The following CNTRL variants were observed in gnomAD, a reference collection of about 807,000 sequenced individuals.
CNTRL encodes centriolin, also known as 110 kDa centrosomal protein.
CNTRL carries 233 observed loss-of-function variants against 303.7 expected under a neutral mutation model. That is an observed-to-expected ratio of 0.77 (90% CI 0.69 to 0.86). CNTRL has a LOEUF of 0.86. Ranked by LOEUF, CNTRL falls within the 40% of genes least tolerant of loss-of-function variation. CNTRL has a pLI of 0.00. For synonymous variants in CNTRL, 900 were observed against 922.2 expected, an observed-to-expected ratio of 0.98 and a Z score of 0.44; for missense variants, 2,524 against 2,650.6, an observed-to-expected ratio of 0.95 and a Z score of 1.05.
chr9:121,094,398 ATAAT>A (rs1239034316), intron 4 of CNTRL, among the ~76,000 whole-genome samples: 2 of 152,154 alleles, frequency 1.3e-5, no homozygotes, highest in Admixed American at 6.5e-5. Flanking sequence ...CTGAACTGTG[ATAAT>A]TAATCCACTC....
rs759931523 is a variant in CNTRL at position 121,140,696 on chromosome 9, A to C, written c.2393A>C (p.His798Pro). 6.2e-7 allele frequency: 1 copy of C among 1,613,458 alleles called. No individual in the cohort carries two copies. Among genetic ancestry groups the C allele is most frequent in the Non-Finnish European group, 8.5e-7 (1 of 1,179,670 alleles). ...QLKDFQNHLNHVVDGLVRPEE... is the reference protein window; with the variant it reads ...QLKDFQNHLNPVVDGLVRPEE... ...AAAGATTTCCAGAATCACCTTAACC[A>C]TGTGGTTGATGGTTTGGTTCGTCCA... The change falls in exon 17 of 44, where the codon CAT becomes CCT. Residue 798 changes from histidine (H) to proline (P), a missense_variant. By Grantham distance (77) the His-to-Pro change is moderately conservative (BLOSUM62 -2). Transcript: ENST00000373855.
Position 121,173,432 on chromosome 9 carries a change from T to C in CNTRL, c.6607T>C (p.Leu2203=), listed in dbSNP as rs369941791. The change falls in exon 41 of 44, where the codon TTG becomes CTG. Residue 2203 remains leucine (L), a synonymous_variant. Coordinates refer to ENST00000373855, the MANE Select transcript of CNTRL (RefSeq NM_007018.6). ...AAACCTAGAAGGAGAATTGGAAAGC[T>C]TGAAAGAGAACCTTCCATTTACCAT... is the stretch of plus-strand genomic sequence containing the variant. ...NENLEGELES[L]KENLPFTMNE... 5 of 1,613,892 alleles carry C rather than the reference T, an allele frequency of 3.1e-6. No individual in the cohort carries two copies. The African/African-American group carries it at 5.3e-5, about 17-fold the overall frequency.
In CNTRL at chr9:121,168,142, T is replaced by G; in HGVS notation, c.5891T>G (p.Leu1964Ter). The part of the protein sequence containing the change: ...QKERESEESK[L>*]ETSKVTLKEQ... ...GAGAGAGAAAGTGAAGAAAGCAAAT[T>G]AGAAACCAGTAAAGTGACACTGAAG... Residue 1964 changes from leucine (L) to a stop codon, truncating the protein, a stop_gained, in exon 38 of 44, where the codon TTA becomes TGA. Transcript: ENST00000373855. LOFTEE classifies it high-confidence loss of function. 6.2e-7 allele frequency: 1 copy of G among 1,613,844 alleles called. No individual in the cohort carries two copies. The highest frequency in any genetic ancestry group is 8.5e-7 in the Non-Finnish European group (1 of 1,179,972).
intron 14 of CNTRL, among the ~76,000 whole-genome samples, chr9:121,135,543 C>T (rs12005297): frequency 0.027 from 4,090 of 152,204 alleles, 182 homozygotes; most frequent in African/African-American, 0.094. Context: ...TTTTTAGACT[C>T]ATAAGTATCA....
At chr9:121,114,396 A>G (rs1398066104) in intron 10 of CNTRL, among the ~76,000 whole-genome samples, 1 of 152,222 alleles carries the variant, frequency 6.6e-6, no homozygotes, top group Admixed American at 6.5e-5. Flanking sequence ...CCAGCGGCTT[A>G]TCTTTCCTTG....
chr9:121,101,712 A>C lies in CNTRL; in HGVS notation c.808+3140A>C, dbSNP rs142696304. On this transcript the variant is annotated intron_variant, in intron 7 of 43. Coordinates refer to ENST00000373855, the MANE Select transcript of CNTRL (RefSeq NM_007018.6). ...AAATAGACACAATAAAAAATGATAAAGGAGATATCACCACCAATCCCACAG... is the reference window on the plus strand; with the variant it reads ...AAATAGACACAATAAAAAATGATAACGGAGATATCACCACCAATCCCACAG... Among the ~76,000 whole-genome samples, 400 of 152,364 alleles carry C rather than the reference A, an allele frequency of 2.6e-3. 3 individuals carry two copies. The highest frequency in any genetic ancestry group is 7.6e-3 in the African/African-American group (318 of 41,578).
intron 32 of CNTRL, 110 bp from the exon 33 acceptor site, chr9:121,161,746 A>AT: frequency 1.4e-6 from 1 of 739,296 alleles, no homozygotes; most frequent in Non-Finnish European, 2.2e-6. Flanking sequence ...GCTCAACAAA[A>AT]TTTTTAAAAT....
At chr9:121,136,064 T>A in intron 15 of CNTRL, 82 bp downstream of exon 15, 1 of 1,278,988 alleles carries the variant, frequency 7.8e-7, no homozygotes, top group Non-Finnish European at 1.1e-6. Context: ...TGTCTTAATT[T>A]AAAATTAAGC....
chr9:121,087,564 G>T (rs1027030033), intron 2 of CNTRL, among the ~76,000 whole-genome samples: 1 of 152,064 alleles, frequency 6.6e-6, no homozygotes, highest in South Asian at 2.1e-4. Context: ...GGTGACAGGC[G>T]CCAGGAATCC....
rs765959683 is a variant in CNTRL, at chr9:121,142,192, C to A, written c.2793C>A (p.Gly931=). ...ENLKSMEEIQ[G]LTDLQLQEAD... Reference sequence around the variant, plus strand: ...TAAAAAGTATGGAGGAAATCCAAGGCCTTACAGATCTCCAACTTCAGGAAG... The same window carrying A: ...TAAAAAGTATGGAGGAAATCCAAGGACTTACAGATCTCCAACTTCAGGAAG... Residue 931 remains glycine, a synonymous_variant, in exon 19 of 44, where the codon GGC becomes GGA. Coordinates refer to ENST00000373855, the MANE Select transcript of CNTRL (RefSeq NM_007018.6). The A allele has an allele frequency of 6.2e-7, 1 of 1,612,458 alleles. No individual in the cohort carries two copies. The highest frequency in any genetic ancestry group is 8.5e-7 in the Non-Finnish European group (1 of 1,179,264).
At chr9:121,108,260 C>G (rs1335047702) in intron 8 of CNTRL, among the ~76,000 whole-genome samples, 1 of 152,116 alleles carries the variant, frequency 6.6e-6, no homozygotes, top group African/African-American at 2.4e-5. Context: ...TGTTCATTGG[C>G]AAAAACATTT....
At chr9:121,138,101 C>G (rs1476491015) in intron 15 of CNTRL, among the ~76,000 whole-genome samples, 1 of 152,174 alleles carries the variant, frequency 6.6e-6, no homozygotes, top group African/African-American at 2.4e-5. Context: ...GCCCCACCCA[C>G]TCTAGAGATT....
At chr9:121,114,329 G>T (rs1041502167) in intron 10 of CNTRL, among the ~76,000 whole-genome samples, 2 of 152,182 alleles carry the variant, frequency 1.3e-5, no homozygotes, top group African/African-American at 4.8e-5. Context: ...AGAGAACTCT[G>T]ACCAGGGTTT....
At chr9:121,142,405 C>G (rs2051569272) in intron 19 of CNTRL, 135 bp downstream of exon 19, 4 of 621,094 alleles carry the variant, frequency 6.4e-6, no homozygotes, top group African/African-American at 1.9e-5. Flanking sequence ...TGAACCTGAC[C>G]TAGGTGGGAC....
chr9:121,153,080 C>T (rs1476721797), intron 26 of CNTRL, among the ~76,000 whole-genome samples: 3 of 152,196 alleles, frequency 2.0e-5, no homozygotes, highest in African/African-American at 7.2e-5. Flanking sequence ...TCCAGTTGGT[C>T]TCTAAATCCT....
chr9:121,109,393 G>A (rs1345193912), intron 8 of CNTRL, among the ~76,000 whole-genome samples: 4 of 152,090 alleles, frequency 2.6e-5, no homozygotes, highest in African/African-American at 2.4e-5. Flanking sequence ...AACAGCATAC[G>A]TGGACAACTC....
At chr9:121,148,924 C>G in intron 24 of CNTRL, 63 bp downstream of exon 24, 1 of 1,446,004 alleles carries the variant, frequency 6.9e-7, no homozygotes, top group Non-Finnish European at 9.5e-7. Flanking sequence ...TTTACTGATT[C>G]TCTGAAACCC....
intron 7 of CNTRL, among the ~76,000 whole-genome samples, chr9:121,102,291 G>C (rs1054018472): frequency 2.6e-5 from 4 of 152,046 alleles, no homozygotes; most frequent in African/African-American, 9.7e-5. Flanking sequence ...CAGAACCAAA[G>C]ACAAAACCAT....
chr9:121,170,300 C>T (rs539736648), intron 39 of CNTRL, among the ~76,000 whole-genome samples: 4 of 151,922 alleles, frequency 2.6e-5, no homozygotes, highest in African/African-American at 4.8e-5. Flanking sequence ...TGCGCCACCA[C>T]GCCCGACTAA....
Sources: allele counts gnomAD v4.1 joint callset (sites outside exome capture counted in the v4.1 genomes callset), GRCh38; gene constraint gnomAD v4.1.1; transcripts MANE v1.5; gene names NCBI Gene and HGNC (gene_info 2026-07-23, HGNC 2026-07-21).